PHLPP2: variants seen among roughly 807,000 people sequenced by gnomAD.
PHLPP2 encodes the protein PH domain leucine-rich repeat-containing protein phosphatase 2.
A neutral mutation model predicts 124.9 loss-of-function variants in PHLPP2; 66 were observed. The observed-to-expected ratio is 0.53, with a 90% CI of 0.43 to 0.65. The LOEUF is 0.65. PHLPP2 is among the 30% of genes least tolerant of loss of function. PHLPP2 has a pLI of 0.00. For synonymous variants in PHLPP2, 681 were observed against 624.7 expected (o/e 1.09, Z -1.34); for missense variants, 1,685 against 1,600.4 (o/e 1.05, Z -0.90).
At chr16:71,722,306 T>C (rs1376346650) in intron 1 of PHLPP2, among the ~76,000 whole-genome samples, 2 of 151,992 alleles carry the variant, frequency 1.3e-5, no homozygotes, top group Non-Finnish European at 2.9e-5. Flanking sequence ...TGGTGGCGGG[T>C]GCCCGTGATC....
intron 11 of PHLPP2, 45 bp downstream of exon 11, chr16:71,669,230 G>T: frequency 7.5e-7 from 1 of 1,332,568 alleles, no homozygotes; most frequent in Non-Finnish European, 1.1e-6. Flanking sequence ...ACGCACACAC[G>T]TAAATGTTAG....
At position 71,681,786 on chromosome 16, in the gene PHLPP2, C is replaced by A; in HGVS notation, c.855G>T (p.Gln285His). The A allele has an allele frequency of 6.2e-7, 1 of 1,613,744 alleles. No individual in the cohort carries two copies. The highest frequency in any genetic ancestry group is 8.5e-7 in the Non-Finnish European group (1 of 1,179,838). The change falls in exon 6 of 19, where the codon CAG (glutamine) becomes CAT (histidine). Residue 285 changes from glutamine (Q) to histidine (H), a missense_variant. Coordinates refer to ENST00000568954, the MANE Select transcript of PHLPP2 (RefSeq NM_015020.3). ...TYLNLRHNFM[Q>H]LERPGGLDTL... ...TATCGAGGCCTCCGGGTCTTTCTAACTGCATGAAGTTGTGTCGCAAGTTGA... is the reference window on the plus strand; with the variant it reads ...TATCGAGGCCTCCGGGTCTTTCTAAATGCATGAAGTTGTGTCGCAAGTTGA...
intron 4 of PHLPP2, among the ~76,000 whole-genome samples, chr16:71,686,543 G>A (rs1432819706): frequency 2.0e-5 from 3 of 151,932 alleles, no homozygotes; most frequent in Non-Finnish European, 4.4e-5. Flanking sequence ...TAAATACAGT[G>A]TGCAACCCCA....
rs764179600 is a variant in PHLPP2, at chr16:71,669,408, T to C, written c.1533-38A>G. On this transcript the variant is annotated intron_variant, in intron 10 of 18. Transcript: ENST00000568954. ...AATAATTAAATGGCACCATTTAAGA[T>C]GACAAGTGGAACTCATTTCAGTAGG... 4 of 1,419,436 alleles carry C rather than the reference T, an allele frequency of 2.8e-6. No homozygotes were observed. The African/African-American group carries it at 4.2e-5, about 15-fold the overall frequency. The allele number at this position is 1,419,436 out of a possible 1,614,324, so 87.9% of individuals were successfully genotyped here. A position where few individuals can be genotyped will look rare whatever the true frequency, so the allele number is the denominator to read the frequency against.
In PHLPP2 at chr16:71,651,542, A is replaced by G. The variant is rs541837743; in HGVS notation, c.2817+1248T>C. On this transcript the variant is annotated intron_variant, in intron 18 of 18. Coordinates refer to ENST00000568954, the MANE Select transcript of PHLPP2 (RefSeq NM_015020.3). ...GCAAGACCTTGTCTCTAAAAAAAAT[A>G]AAAATAAAATAACTAAAAATTTAAA... 9.6e-4 allele frequency among the ~76,000 whole-genome samples: 146 copies of G among 152,288 alleles called. 1 individual carries two copies. The highest frequency in any genetic ancestry group is 6.8e-3 in the Middle Eastern group (2 of 294).
intron 13 of PHLPP2, among the ~76,000 whole-genome samples, chr16:71,659,932 AC>A (rs2044773975): frequency 6.6e-6 from 1 of 152,164 alleles, no homozygotes; most frequent in Non-Finnish European, 1.5e-5. Context: ...TATTTGTTTT[AC>A]AAAAATTTTA....
At position 71,679,456 on chromosome 16, in the gene PHLPP2, G is replaced by A. The variant is rs376917530; in HGVS notation, c.970C>T (p.Leu324=). ...TTACAGGAAAGGTTGAGCTCAGTCA[G>A]GGTAGAGATCTCGCATAACAATATA... ...FPILLCEIST[L]TELNLSCNGF... is the part of the protein sequence containing the mutation. Residue 324 remains leucine, a synonymous_variant, in exon 7 of 19, where the codon CTG becomes TTG. Coordinates refer to ENST00000568954, the MANE Select transcript of PHLPP2 (RefSeq NM_015020.3). 6.2e-7 allele frequency: 1 copy of A among 1,613,562 alleles called. No individual in the cohort carries two copies. The highest frequency in any genetic ancestry group is 8.5e-7 in the Non-Finnish European group (1 of 1,179,492).
intron 18 of PHLPP2, among the ~76,000 whole-genome samples, chr16:71,651,760 C>T (rs552281402): frequency 6.6e-6 from 1 of 152,112 alleles, no homozygotes; most frequent in African/African-American, 2.4e-5. Context: ...GTCAACTGAT[C>T]TCTGAAAATC....
intron 13 of PHLPP2, among the ~76,000 whole-genome samples, chr16:71,661,919 G>A (rs944215398): frequency 6.6e-6 from 1 of 151,736 alleles, no homozygotes; most frequent in Non-Finnish European, 1.5e-5. Context: ...TGCCTCCGGG[G>A]TTCAAGCGAT....
intron 3 of PHLPP2, among the ~76,000 whole-genome samples, chr16:71,691,214 G>T (rs941346882): frequency 2.0e-5 from 3 of 152,164 alleles, no homozygotes; most frequent in Non-Finnish European, 4.4e-5. Flanking sequence ...AGCACTTTGG[G>T]GGGGCCAAGG....
At chr16:71,670,921 A>G (rs2044887258) in intron 10 of PHLPP2, among the ~76,000 whole-genome samples, 1 of 152,140 alleles carries the variant, frequency 6.6e-6, no homozygotes, top group Admixed American at 6.5e-5. Flanking sequence ...AATTGCCCAC[A>G]ATGGCCTCTA....
rs541252910 is a variant in PHLPP2 at position 71,705,019 on chromosome 16, A to G, written c.285-2288T>C. ...GCTCCAAAGAATGGGACTCAGAACA[A>G]TGAGAAGGTGCATAGGTAGATTTAA... On this transcript the variant is annotated intron_variant, in intron 2 of 18. Coordinates refer to ENST00000568954, the MANE Select transcript of PHLPP2 (RefSeq NM_015020.3). Among the ~76,000 whole-genome samples the G allele has an allele frequency of 1.2e-3, 188 of 152,342 alleles. 5 individuals are homozygous for G. The South Asian group carries it at 0.038, about 31-fold the overall frequency.
In PHLPP2 at chr16:71,648,967, G is replaced by A; in HGVS notation, c.3895C>T (p.Gln1299Ter). 3.1e-6 allele frequency: 5 copies of A among 1,613,928 alleles called. No individual in the cohort carries two copies. In the South Asian group the frequency reaches 4.4e-5, roughly 14 times the overall value. ...EEVKEQMKQHQDSRLEPEPHE... is the reference protein window; with the variant it reads ...EEVKEQMKQH ...GGCTCAGGCTCGAGCCGGCTGTCCT[G>A]GTGCTGTTTCATTTGTTCCTTCACT... The change falls in exon 19 of 19, where the codon CAG becomes TAG. Residue 1299 changes from glutamine to a stop codon, truncating the protein, a stop_gained. Transcript: ENST00000568954. LOFTEE classifies it high-confidence loss of function.
intron 7 of PHLPP2, 57 bp from the exon 8 acceptor site, chr16:71,679,042 G>T: frequency 2.1e-6 from 2 of 946,054 alleles, no homozygotes; most frequent in South Asian, 2.8e-5. Context: ...GGAATGCACA[G>T]AATCAGAGTT....
intron 1 of PHLPP2, among the ~76,000 whole-genome samples, chr16:71,722,856 T>C (rs2045407075): frequency 6.6e-6 from 1 of 152,138 alleles, no homozygotes; most frequent in South Asian, 2.1e-4. Context: ...CTCCACCCAG[T>C]CAGCCTCCCA....
At chr16:71,664,641 A>C (rs1003022037) in intron 12 of PHLPP2, among the ~76,000 whole-genome samples, 1 of 152,050 alleles carries the variant, frequency 6.6e-6, no homozygotes, top group African/African-American at 2.4e-5. Flanking sequence ...AGTCCCAGCT[A>C]CTCGGGAGGC....
At chr16:71,702,550 G>A in intron 3 of PHLPP2, 48 bp downstream of exon 3, 2 of 1,493,700 alleles carry the variant, frequency 1.3e-6, no homozygotes, top group South Asian at 1.2e-5. Flanking sequence ...AGGCACAAAT[G>A]ATCAACCTAA....
intron 1 of PHLPP2, among the ~76,000 whole-genome samples, chr16:71,717,488 T>C (rs765012730): frequency 1.3e-5 from 2 of 152,170 alleles, no homozygotes; most frequent in Non-Finnish European, 2.9e-5. Flanking sequence ...GAGAACTAGT[T>C]TTCTCATCAA....
At position 71,649,044 on chromosome 16, in the gene PHLPP2, GT is replaced by G. The variant is rs757081802; in HGVS notation, c.3817del (p.Thr1273LeufsTer19). ...KRKTGYFAAP[T>X]QMEPEDQFVV... ...AAACTGGTCCTCTGGTTCCATCTGAGTGGGGGCAGCAAAATAGCCAGTTTTC... is the reference window on the plus strand; with the variant it reads ...AAACTGGTCCTCTGGTTCCATCTGAGGGGGGCAGCAAAATAGCCAGTTTTC... On this transcript the variant is annotated frameshift_variant, in exon 19 of 19. Coordinates refer to ENST00000568954, the MANE Select transcript of PHLPP2 (RefSeq NM_015020.3). LOFTEE classifies it high-confidence loss of function. The G allele has an allele frequency of 6.2e-7, 1 of 1,614,198 alleles. No individual in the cohort carries two copies. The highest frequency in any genetic ancestry group is 8.5e-7 in the Non-Finnish European group (1 of 1,180,040).
Sources: allele counts gnomAD v4.1 joint callset (sites outside exome capture counted in the v4.1 genomes callset), GRCh38; gene constraint gnomAD v4.1.1; transcripts MANE v1.5; gene names NCBI Gene and HGNC (gene_info 2026-07-23, HGNC 2026-07-21).